ZNG1A: variants seen among roughly 807,000 people sequenced by gnomAD.
ZNG1A encodes the protein zinc-regulated GTPase metalloprotein activator 1A.
the ZNG1A span, among the ~76,000 whole-genome samples, chr9:138,587 G>C: frequency 6.7e-5 from 10 of 148,700 alleles, no homozygotes; most frequent in South Asian, 1.3e-3. Context: ...TAAGGGCATG[G>C]CTAAGGCAAA....
At chr9:133,854 G>C in the ZNG1A span, among the ~76,000 whole-genome samples, 1 of 151,906 alleles carries the variant, frequency 6.6e-6, no homozygotes, top group Non-Finnish European at 1.5e-5. Context: ...ACTCATGCCA[G>C]GCAAAAGCAT....
chr9:128,439 G>A, the ZNG1A span, among the ~76,000 whole-genome samples: 1 of 151,794 alleles, frequency 6.6e-6, no homozygotes, highest in Admixed American at 6.6e-5. Flanking sequence ...TTCAGGCTCT[G>A]AATTTCCTTC....
At chr9:130,194 A>C in the ZNG1A span, among the ~76,000 whole-genome samples, 1 of 149,848 alleles carries the variant, frequency 6.7e-6, no homozygotes, top group African/African-American at 2.5e-5. Flanking sequence ...TAAGGTAATA[A>C]TAATATGCAT....
chr9:145,161 T>C, the ZNG1A span, among the ~76,000 whole-genome samples: 1 of 150,706 alleles, frequency 6.6e-6, no homozygotes, highest in Non-Finnish European at 1.5e-5. Context: ...GATCTAGAAC[T>C]AGAAATACCA....
chr9:175,278 T>G, the ZNG1A span, among the ~76,000 whole-genome samples: 5 of 151,768 alleles, frequency 3.3e-5, no homozygotes, highest in African/African-American at 1.2e-4. Flanking sequence ...CTCAGGAGGC[T>G]GAGGCAGGAG....
the ZNG1A span, chr9:154,677 T>C: frequency 8.1e-6 from 12 of 1,489,300 alleles, 1 homozygote; most frequent in Middle Eastern, 3.5e-4. Flanking sequence ...AACATGGATC[T>C]GTAGGCACTT....
chr9:174,975 A>T, the ZNG1A span, among the ~76,000 whole-genome samples: 4 of 152,036 alleles, frequency 2.6e-5, no homozygotes, highest in African/African-American at 4.8e-5. Flanking sequence ...TTTTAACTGC[A>T]TTGCAGATAA....
the ZNG1A span, chr9:154,242 C>T: frequency 5.9e-6 from 1 of 168,326 alleles, no homozygotes; most frequent in African/African-American, 2.4e-5. Flanking sequence ...GGGAAGACTT[C>T]ACATAGGAAG....
chr9:170,335 TTGTGTGTGTGTGTGTATGAATG>T, the ZNG1A span, among the ~76,000 whole-genome samples: 69 of 146,680 alleles, frequency 4.7e-4, no homozygotes, highest in Middle Eastern at 3.4e-3. Context: ...ATGTACCTAC[TTGTGTGTGTGTGTGTATGAATG>T]TGTGTGTGTG....
At chr9:171,699 CATTA>C in the ZNG1A span, 1 of 264,378 alleles carries the variant, frequency 3.8e-6, no homozygotes, top group African/African-American at 2.4e-5. Flanking sequence ...GGGACTTGAA[CATTA>C]ATAGATTTTG....
chr9:157,198 G>C, the ZNG1A span, among the ~76,000 whole-genome samples: 2 of 140,058 alleles, frequency 1.4e-5, no homozygotes, highest in Non-Finnish European at 3.1e-5. Flanking sequence ...GACCTCTCCA[G>C]AGTCAGGCTA....
the ZNG1A span, chr9:153,708 A>G: frequency 3.3e-5 from 5 of 151,356 alleles, no homozygotes; most frequent in Non-Finnish European, 7.4e-5. Flanking sequence ...AAAAAATATG[A>G]ATTTCTTTCT....
chr9:163,095 C>G, the ZNG1A span, among the ~76,000 whole-genome samples: 1 of 151,178 alleles, frequency 6.6e-6, no homozygotes, highest in Non-Finnish European at 1.5e-5. Context: ...TATATTAGAG[C>G]TCAATGATGG....
the ZNG1A span, among the ~76,000 whole-genome samples, chr9:176,402 T>A: frequency 7.0e-6 from 1 of 142,822 alleles, no homozygotes; most frequent in Non-Finnish European, 1.5e-5. Context: ...TTCTTTATCT[T>A]TTTTTTTTGT....
the ZNG1A span, among the ~76,000 whole-genome samples, chr9:139,967 C>T: frequency 1.5e-3 from 224 of 150,532 alleles, 10 homozygotes; most frequent in Admixed American, 4.6e-3. Flanking sequence ...GCTTAAAAAA[C>T]GGCGCACCAC....
chr9:174,101 T>C, the ZNG1A span, among the ~76,000 whole-genome samples: 11 of 148,570 alleles, frequency 7.4e-5, no homozygotes, highest in South Asian at 2.2e-4. Flanking sequence ...GACCCGAGAC[T>C]GCGCCACTGC....
the ZNG1A span, among the ~76,000 whole-genome samples, chr9:133,925 A>C: frequency 6.9e-6 from 1 of 144,508 alleles, no homozygotes; most frequent in Non-Finnish European, 1.5e-5. Context: ...GGCTCTATGG[A>C]TGGAGACACT....
At chr9:173,797 T>C in the ZNG1A span, among the ~76,000 whole-genome samples, 1 of 152,150 alleles carries the variant, frequency 6.6e-6, no homozygotes, top group Admixed American at 6.5e-5. Context: ...TTCTAAATTG[T>C]TTCTGTTAGA....
the ZNG1A span, among the ~76,000 whole-genome samples, chr9:170,381 A>ATGTCCGTGTGTGTG: frequency 2.0e-5 from 3 of 146,862 alleles, no homozygotes; most frequent in Non-Finnish European, 4.5e-5. Context: ...GTGTGTGCGC[A>ATGTCCGTGTGTGTG]TGTGCATGTG....
Sources: allele counts gnomAD v4.1 joint callset (sites outside exome capture counted in the v4.1 genomes callset), GRCh38; gene constraint gnomAD v4.1.1; transcripts MANE v1.5; gene names NCBI Gene and HGNC (gene_info 2026-07-23, HGNC 2026-07-21).